The following LRRFIP1 variants were observed in gnomAD, a reference collection of about 807,000 sequenced individuals.
LRRFIP1 encodes LRR binding FLII interacting protein 1.
LRRFIP1 carries 62 observed loss-of-function variants against 104.4 expected under a neutral mutation model. The ratio of observed to expected loss-of-function variants is 0.59; its 90% confidence interval spans 0.48 to 0.73. The LOEUF is 0.73. Among genes scored for constraint, LRRFIP1 ranks in the 30% least tolerant of loss-of-function variants. The pLI is 0.00. For missense variants in LRRFIP1, 796 were observed against 824.5 expected (o/e 0.97, Z 0.42); for synonymous variants, 300 against 299.0 (o/e 1.00, Z -0.03).
chr2:237,748,547 C>T, intron 12 of LRRFIP1, 148 bp downstream of exon 12: 1 of 702,794 alleles, frequency 1.4e-6, no homozygotes, highest in Non-Finnish European at 2.4e-6. Context: ...TATCACCTTC[C>T]CGGAGGTAGG....
chr2:237,744,234 C>T (rs2057504419), intron 11 of LRRFIP1, among the ~76,000 whole-genome samples: 1 of 152,108 alleles, frequency 6.6e-6, no homozygotes, highest in Admixed American at 6.5e-5. Flanking sequence ...GGAAAATTAC[C>T]CTTAAAATGG....
chr2:237,716,765 G>A (rs939474517), intron 3 of LRRFIP1, among the ~76,000 whole-genome samples: 18 of 152,180 alleles, frequency 1.2e-4, no homozygotes, highest in African/African-American at 4.3e-4. Context: ...AAGGAGAGAA[G>A]CAAAACCCCA....
At chr2:237,761,240 T>C (rs12623745) in intron 19 of LRRFIP1, among the ~76,000 whole-genome samples, 18,175 of 152,188 alleles carry the variant, frequency 0.12, 2,152 homozygotes, top group African/African-American at 0.3. Flanking sequence ...GTAAAAAAAG[T>C]TGTGGCCTAG....
chr2:237,715,195 C>A (rs1038988), intron 3 of LRRFIP1, among the ~76,000 whole-genome samples: 2,286 of 152,296 alleles, frequency 0.015, 48 homozygotes, highest in African/African-American at 0.053. Flanking sequence ...TGGAGCCCTG[C>A]ACTCTGCATA....
At chr2:237,662,991 A>C (rs2088338619) in intron 1 of LRRFIP1, among the ~76,000 whole-genome samples, 1 of 152,168 alleles carries the variant, frequency 6.6e-6, no homozygotes, top group Admixed American at 6.5e-5. Context: ...TATAAACAGG[A>C]CTGCAAAACT....
At chr2:237,772,495 A>T in intron 21 of LRRFIP1, 1 of 423,206 alleles carries the variant, frequency 2.4e-6, no homozygotes. Context: ...TGTTGATTGT[A>T]TGAAAAAAAA....
chr2:237,669,102 C>T (rs986002158), intron 1 of LRRFIP1, among the ~76,000 whole-genome samples: 2 of 152,204 alleles, frequency 1.3e-5, no homozygotes, highest in Admixed American at 6.5e-5. Context: ...TGCACCATCA[C>T]GTCCTCACTT....
chr2:237,707,323 C>T (rs2093859990), intron 1 of LRRFIP1, among the ~76,000 whole-genome samples: 1 of 150,924 alleles, frequency 6.6e-6, no homozygotes, highest in South Asian at 2.1e-4. Context: ...GTCCCAGCTA[C>T]TCAGGAGGCT....
At chr2:237,648,409 G>T (rs908049856) in intron 1 of LRRFIP1, among the ~76,000 whole-genome samples, 1 of 151,880 alleles carries the variant, frequency 6.6e-6, no homozygotes, top group Non-Finnish European at 1.5e-5. Context: ...AGTGTCCGGG[G>T]TGTTCATTGT....
In LRRFIP1 at chr2:237,751,256, A is replaced by T; in HGVS notation, c.852A>T (p.Gly284=). 6 of 1,609,164 alleles carry T rather than the reference A, an allele frequency of 3.7e-6. No homozygotes were observed. Among genetic ancestry groups the T allele is most frequent in the Non-Finnish European group, 5.1e-6 (6 of 1,177,674 alleles). The change falls in exon 14 of 24, where the codon GGA becomes GGT. Residue 284 remains glycine (G), a synonymous_variant. Transcript: ENST00000308482. ...ATGTAGAAGGCAAATACATGCAGGG[A>T]TTGAAAGAGATGAAGGTACCAATTC... ...IQDVEGKYMQ[G]LKEMKDSLAE... is the part of the protein sequence containing the mutation.
chr2:237,738,406 G>A (rs2095316985), intron 10 of LRRFIP1, among the ~76,000 whole-genome samples: 1 of 152,208 alleles, frequency 6.6e-6, no homozygotes, highest in Non-Finnish European at 1.5e-5. Context: ...TCCAGGGGCT[G>A]GAATGGAGGG....
chr2:237,726,748 G>A (rs988133633), intron 7 of LRRFIP1, among the ~76,000 whole-genome samples: 12 of 152,020 alleles, frequency 7.9e-5, no homozygotes, highest in Admixed American at 2.0e-4. Flanking sequence ...TCTGTCCCGA[G>A]AGCTGGTTTT....
At chr2:237,749,446 C>A in intron 13 of LRRFIP1, 122 bp downstream of exon 13, 2 of 1,163,946 alleles carry the variant, frequency 1.7e-6, no homozygotes, top group East Asian at 2.6e-5. Flanking sequence ...CTCTCTCCCT[C>A]ACCTCCCCTA....
chr2:237,774,629 G>T (rs1010517501), intron 23 of LRRFIP1, among the ~76,000 whole-genome samples, 167 bp downstream of exon 23: 1 of 152,222 alleles, frequency 6.6e-6, no homozygotes, highest in Non-Finnish European at 1.5e-5. Flanking sequence ...AAGGCATGGC[G>T]CAGCCAGTTA....
intron 1 of LRRFIP1, among the ~76,000 whole-genome samples, chr2:237,648,616 G>A (rs1018415354): frequency 6.6e-6 from 1 of 151,068 alleles, no homozygotes; most frequent in Admixed American, 6.6e-5. Flanking sequence ...TATTTGTTCC[G>A]TGAACTTGGG....
chr2:237,627,865 C>T lies in LRRFIP1; in HGVS notation c.96+125C>T, dbSNP rs369885764. On this transcript the variant is annotated intron_variant, in intron 1 of 23. Coordinates refer to ENST00000308482, the MANE Select transcript of LRRFIP1 (RefSeq NM_001137550.2). ...GTGCCACTGCGCGTCCGGCTCCAGGCGGGTGGGCCGGGCAGGCGCGCGCCG... is the reference window on the plus strand; with the variant it reads ...GTGCCACTGCGCGTCCGGCTCCAGGTGGGTGGGCCGGGCAGGCGCGCGCCG... 2.0e-4 allele frequency: 112 copies of T among 567,742 alleles called. 1 individual carries two copies. In the South Asian group the frequency reaches 4.5e-3, roughly 23 times the overall value. 35.2% of individuals were successfully genotyped at this position (567,742 alleles called of 1,614,324 possible). A position where few individuals can be genotyped will look rare whatever the true frequency, so the allele number is the denominator to read the frequency against.
chr2:237,729,494 C>T (rs529983729), intron 8 of LRRFIP1, among the ~76,000 whole-genome samples: 8 of 152,270 alleles, frequency 5.3e-5, no homozygotes, highest in East Asian at 1.9e-4. Context: ...TCAGTAATTA[C>T]GAATCGTGCT....
intron 23 of LRRFIP1, among the ~76,000 whole-genome samples, chr2:237,777,171 A>G (rs1022455574): frequency 5.3e-5 from 8 of 152,212 alleles, no homozygotes; most frequent in African/African-American, 1.9e-4. Flanking sequence ...ATGTATATGT[A>G]CACATGTACA....
intron 11 of LRRFIP1, among the ~76,000 whole-genome samples, chr2:237,747,660 C>T (rs920428224): frequency 1.3e-5 from 2 of 152,166 alleles, no homozygotes; most frequent in East Asian, 3.8e-4. Context: ...TCTGCAGTTG[C>T]CGCGCATGTC....
Sources: gnomAD v4.1 joint callset for allele counts (sites outside exome capture counted in the v4.1 genomes callset) on GRCh38, gnomAD v4.1.1 for gene constraint, MANE v1.5 for transcripts, NCBI Gene and HGNC (gene_info 2026-07-23, HGNC 2026-07-21) for gene names.